Variants in MAGI2 observed in about 807,000 individuals in gnomAD.
MAGI2 encodes membrane associated guanylate kinase, WW and PDZ domain containing 2.
A neutral mutation model predicts 133.3 loss-of-function variants in MAGI2; 35 were observed. The ratio of observed to expected loss-of-function variants is 0.26; its 90% CI spans 0.20 to 0.35. The LOEUF (loss-of-function observed/expected upper bound fraction) is 0.35, where lower values mean the gene tolerates loss of function less well. MAGI2 is among the 10% of genes least tolerant of loss of function. MAGI2 has a pLI of 1.00. For synonymous variants in MAGI2, 729 were observed against 710.6 expected, an observed-to-expected ratio of 1.03 and a Z score of -0.41; for missense variants, 1,636 against 1,863.4, an observed-to-expected ratio of 0.88 and a Z score of 2.25.
chr7:78,287,124 TG>T (rs2151028482), intron 9 of MAGI2, among the ~76,000 whole-genome samples: 1 of 152,290 alleles, frequency 6.6e-6, no homozygotes, highest in South Asian at 2.1e-4. Context: ...AAGATAATTC[TG>T]GAGGTAAAGT....
chr7:78,749,572 C>G (rs1403955204), intron 2 of MAGI2, among the ~76,000 whole-genome samples: 1 of 152,114 alleles, frequency 6.6e-6, no homozygotes, highest in Non-Finnish European at 1.5e-5. Context: ...GCCCAAAGAT[C>G]ACACTGGAAA....
At chr7:79,091,488 G>C (rs997343805) in intron 1 of MAGI2, among the ~76,000 whole-genome samples, 1 of 152,082 alleles carries the variant, frequency 6.6e-6, no homozygotes, top group South Asian at 2.1e-4. Context: ...GCATAACATA[G>C]AATTGATTTC....
intron 9 of MAGI2, among the ~76,000 whole-genome samples, chr7:78,297,124 G>A (rs937534085): frequency 6.6e-6 from 1 of 152,226 alleles, no homozygotes; most frequent in Admixed American, 6.5e-5. Flanking sequence ...ACTCTAAGGT[G>A]TGAGACTGTA....
chr7:78,758,857 C>T (rs1824211462), intron 2 of MAGI2, among the ~76,000 whole-genome samples: 1 of 152,158 alleles, frequency 6.6e-6, no homozygotes, highest in Non-Finnish European at 1.5e-5. Context: ...TTAAGTTACA[C>T]CCAGGTAGAG....
intron 7 of MAGI2, among the ~76,000 whole-genome samples, chr7:78,361,547 A>C (rs987291544): frequency 2.0e-5 from 3 of 152,218 alleles, no homozygotes; most frequent in African/African-American, 7.2e-5. Context: ...TTTAGGACAA[A>C]GAAAATAATG....
At chr7:78,908,500 C>T (rs528327593) in intron 2 of MAGI2, among the ~76,000 whole-genome samples, 12 of 152,158 alleles carry the variant, frequency 7.9e-5, no homozygotes, top group Non-Finnish European at 1.8e-4. Context: ...CCTAAAATGA[C>T]TGGGCTGATA....
intron 11 of MAGI2, among the ~76,000 whole-genome samples, chr7:78,195,653 G>T (rs1280672147): frequency 6.6e-6 from 1 of 152,146 alleles, no homozygotes; most frequent in African/African-American, 2.4e-5. Context: ...GGATCTGGTG[G>T]TTCCTCCCCC....
At chr7:79,296,524 T>A (rs1330226410) in intron 1 of MAGI2, among the ~76,000 whole-genome samples, 2 of 152,098 alleles carry the variant, frequency 1.3e-5, no homozygotes, top group African/African-American at 2.4e-5. Context: ...CAAAATCCTA[T>A]CATTTGTGGC....
chr7:79,199,920 C>T (rs897184501), intron 1 of MAGI2, among the ~76,000 whole-genome samples: 1 of 151,806 alleles, frequency 6.6e-6, no homozygotes, highest in Non-Finnish European at 1.5e-5. Flanking sequence ...GTTACACAGC[C>T]TAGTTTTTCT....
At chr7:78,821,008 A>G (rs766789668) in intron 2 of MAGI2, among the ~76,000 whole-genome samples, 2 of 152,040 alleles carry the variant, frequency 1.3e-5, no homozygotes, top group African/African-American at 2.4e-5. Context: ...TAAGTTTTAC[A>G]CAAATGTGAA....
chr7:78,132,123 C>G (rs1190658930), intron 18 of MAGI2, among the ~76,000 whole-genome samples: 1 of 152,202 alleles, frequency 6.6e-6, no homozygotes, highest in African/African-American at 2.4e-5. Flanking sequence ...AATCCTCACA[C>G]CTCGGTTTCC....
chr7:78,938,801 A>C (rs1464628114), intron 2 of MAGI2, among the ~76,000 whole-genome samples: 1 of 152,216 alleles, frequency 6.6e-6, no homozygotes, highest in Non-Finnish European at 1.5e-5. Flanking sequence ...TATAAAGATG[A>C]ATAGGACATT....
chr7:78,108,813 A>G (rs1206429705), intron 20 of MAGI2, among the ~76,000 whole-genome samples: 2 of 152,040 alleles, frequency 1.3e-5, no homozygotes, highest in Admixed American at 6.6e-5. Context: ...TCAAAAGGAT[A>G]ATAACAGAGA....
At chr7:78,726,157 G>T (rs1232119787) in intron 2 of MAGI2, among the ~76,000 whole-genome samples, 1 of 151,896 alleles carries the variant, frequency 6.6e-6, no homozygotes, top group Non-Finnish European at 1.5e-5. Flanking sequence ...TTTAAGTGGG[G>T]GTTAATATTA....
At chr7:78,323,204 G>A (rs1788198814) in intron 9 of MAGI2, among the ~76,000 whole-genome samples, 1 of 152,070 alleles carries the variant, frequency 6.6e-6, no homozygotes, top group Non-Finnish European at 1.5e-5. Context: ...GTATATACTT[G>A]GGTCTGAGGC....
intron 1 of MAGI2, among the ~76,000 whole-genome samples, chr7:79,380,190 T>C (rs2058088393): frequency 6.6e-6 from 1 of 151,796 alleles, no homozygotes; most frequent in African/African-American, 2.4e-5. Flanking sequence ...CAAAAGAAAC[T>C]ACCATCAGAG....
chr7:78,903,747 T>TGC (rs1217631225), intron 2 of MAGI2, among the ~76,000 whole-genome samples: 1 of 152,108 alleles, frequency 6.6e-6, no homozygotes, highest in African/African-American at 2.4e-5. Flanking sequence ...TGTGTGTGTG[T>TGC]GCGTGTGTGC....
intron 3 of MAGI2, among the ~76,000 whole-genome samples, chr7:78,589,320 T>C (rs915873504): frequency 3.3e-5 from 5 of 152,156 alleles, no homozygotes; most frequent in African/African-American, 1.2e-4. Context: ...GGAGGTACCA[T>C]TCTCAATATC....
intron 1 of MAGI2, among the ~76,000 whole-genome samples, chr7:79,357,207 A>C (rs1436655305): frequency 6.6e-6 from 1 of 152,214 alleles, no homozygotes; most frequent in Non-Finnish European, 1.5e-5. Context: ...GTCAAAGAAC[A>C]GCTAAAGAAA....
Sources: allele counts gnomAD v4.1 joint callset (sites outside exome capture counted in the v4.1 genomes callset), GRCh38; gene constraint gnomAD v4.1.1; transcripts MANE v1.5; gene names NCBI Gene and HGNC (gene_info 2026-07-23, HGNC 2026-07-21).